The following USP54 variants were observed in gnomAD, a reference collection of about 807,000 sequenced individuals.
USP54 encodes ubiquitin specific peptidase 54, also known as ubiquitin carboxyl-terminal hydrolase 54.
USP54 carries 87 observed loss-of-function variants against 170.5 expected under a neutral mutation model. That is an observed-to-expected ratio of 0.51 (90% confidence interval 0.43 to 0.61). The LOEUF is 0.61. Among genes scored for constraint, USP54 ranks in the 20% least tolerant of loss-of-function variants. The pLI, the probability that USP54 is intolerant of heterozygous loss-of-function variation, is 0.00. For synonymous variants in USP54, 655 were observed against 742.8 expected (o/e 0.88, Z 1.92); for missense variants, 1,786 against 2,047.8 (o/e 0.87, Z 2.47).
chr10:73,613,282 C>A (rs1051680469), intron 1 of USP54, among the ~76,000 whole-genome samples: 3 of 151,560 alleles, frequency 2.0e-5, no homozygotes, highest in African/African-American at 7.3e-5. Flanking sequence ...CAGGTGCATG[C>A]CACCATGCCC....
At chr10:73,583,180 G>A (rs188272481) in intron 1 of USP54, among the ~76,000 whole-genome samples, 159 of 152,270 alleles carry the variant, frequency 1.0e-3, no homozygotes, top group African/African-American at 3.7e-3. Flanking sequence ...AGAAGAGTAA[G>A]GAAGAAAAAC....
At chr10:73,520,195 C>A (rs2061683576) in intron 18 of USP54, 1 of 671,754 alleles carries the variant, frequency 1.5e-6, no homozygotes, top group Non-Finnish European at 2.4e-6. Flanking sequence ...GCCATGGAGG[C>A]CAAACAGGTT....
At chr10:73,553,781 G>C (rs1377481933) in intron 4 of USP54, among the ~76,000 whole-genome samples, 3 of 152,176 alleles carry the variant, frequency 2.0e-5, no homozygotes, top group Admixed American at 6.5e-5. Context: ...TCTTCACAGG[G>C]TGAAACCAAA....
At chr10:73,500,622 T>C (rs1230241366) in intron 23 of USP54, 33 bp downstream of exon 23, 1 of 1,555,468 alleles carries the variant, frequency 6.4e-7, no homozygotes, top group South Asian at 1.2e-5. Flanking sequence ...GGTACCAAAT[T>C]CTGGCATATA....
chr10:73,606,761 C>T (rs752403826), intron 1 of USP54, among the ~76,000 whole-genome samples: 3 of 151,630 alleles, frequency 2.0e-5, no homozygotes, highest in Non-Finnish European at 4.4e-5. Context: ...CACCTGCAGT[C>T]TCAGCTACTT....
intron 18 of USP54, among the ~76,000 whole-genome samples, chr10:73,520,293 T>A (rs1369991599): frequency 3.3e-5 from 5 of 152,200 alleles, no homozygotes; most frequent in African/African-American, 4.8e-5. Context: ...GTCCTTTGCA[T>A]CTGACCTGTC....
chr10:73,523,917 T>C (rs2062393581), intron 16 of USP54, among the ~76,000 whole-genome samples, 167 bp from the exon 17 acceptor site: 2 of 147,162 alleles, frequency 1.4e-5, no homozygotes, highest in Admixed American at 6.8e-5. Context: ...ATTATTATTA[T>C]TATTATTTTG....
At chr10:73,502,221 A>G (rs2058276819) in intron 22 of USP54, among the ~76,000 whole-genome samples, 1 of 152,216 alleles carries the variant, frequency 6.6e-6, no homozygotes, top group South Asian at 2.1e-4. Flanking sequence ...CACAGCACCT[A>G]CTACAAAATG....
At chr10:73,508,850 T>A (rs112911686) in intron 20 of USP54, among the ~76,000 whole-genome samples, 10,454 of 151,838 alleles carry the variant, frequency 0.069, 605 homozygotes, top group East Asian at 0.3. Flanking sequence ...ATATTTTTAG[T>A]GGAGACGGGG....
intron 1 of USP54, among the ~76,000 whole-genome samples, chr10:73,580,280 C>T (rs939309495): frequency 6.8e-6 from 1 of 146,982 alleles, no homozygotes; most frequent in Non-Finnish European, 1.5e-5. Context: ...GATCAAGCCA[C>T]TGCACTCCAA....
In USP54 at chr10:73,620,566, T is replaced by A. The variant is rs2081011056; in HGVS notation, c.-18+5001A>T. On this transcript the variant is annotated intron_variant, in intron 1 of 22. Coordinates refer to the USP54 transcript ENST00000339859. ...TTGAACTCCTGGCCTCAAGCAATCC[T>A]CCTGCCTTAGCCTCCCAAAGTGCTG... Among the ~76,000 whole-genome samples the A allele has an allele frequency of 2.1e-5, 3 of 144,916 alleles. No individual in the cohort carries two copies. The South Asian group carries it at 7.0e-4, about 34-fold the overall frequency.
At chr10:73,525,015 A>T (rs1017677103) in intron 16 of USP54, among the ~76,000 whole-genome samples, 51 of 152,284 alleles carry the variant, frequency 3.3e-4, no homozygotes, top group African/African-American at 1.2e-3. Flanking sequence ...CAATTTTATA[A>T]ACCTTTCTAG....
At chr10:73,598,033 C>T (rs1589369920) in intron 1 of USP54, among the ~76,000 whole-genome samples, 1 of 151,288 alleles carries the variant, frequency 6.6e-6, no homozygotes, top group African/African-American at 2.4e-5. Flanking sequence ...TGCAGTGAGC[C>T]GAGATCACGC....
In USP54 at chr10:73,521,044, T is replaced by C. The variant is rs908407610; in HGVS notation, c.2363-17A>G. ...CACTCCTCCCTGAAAGGGCCAGCAC[T>C]TTTCATTTTCATTACAATTCATTCC... On this transcript the variant is annotated splice_polypyrimidine_tract_variant and intron_variant, in intron 17 of 23. Coordinates refer to ENST00000687698, the MANE Select transcript of USP54 (RefSeq NM_001391956.1). 2 of 1,612,488 alleles carry C rather than the reference T, an allele frequency of 1.2e-6. No homozygotes were observed. The highest frequency in any genetic ancestry group is 8.5e-7 in the Non-Finnish European group (1 of 1,179,960).
chr10:73,559,504 G>C (rs911577353), intron 4 of USP54, among the ~76,000 whole-genome samples: 1 of 150,396 alleles, frequency 6.6e-6, no homozygotes, highest in Non-Finnish European at 1.5e-5. Flanking sequence ...AGGTTGCGAT[G>C]AGCCTAGATT....
chr10:73,513,597 A>G (rs1276518485), intron 20 of USP54: 2 of 152,244 alleles, frequency 1.3e-5, no homozygotes, highest in Non-Finnish European at 2.9e-5. Flanking sequence ...GCTCACAGAT[A>G]TAACATGAGA....
At chr10:73,578,960 TGA>T (rs1287762623) in intron 1 of USP54, among the ~76,000 whole-genome samples, 2 of 142,408 alleles carry the variant, frequency 1.4e-5, no homozygotes, top group Non-Finnish European at 1.5e-5. Context: ...TTTTTTTTTT[TGA>T]GACAGTCTCC....
intron 19 of USP54, chr10:73,519,571 C>G (rs1338930623): frequency 1.3e-5 from 8 of 611,732 alleles, no homozygotes; most frequent in African/African-American, 5.5e-5. Flanking sequence ...GAAATGTGGA[C>G]AAATGGTCTT....
chr10:73,580,625 C>T lies in USP54; in HGVS notation c.-581-4264G>A, dbSNP rs542317346. On this transcript the variant is annotated intron_variant, in intron 1 of 23. Transcript: ENST00000687698. ...TTCGCTCTTCTTGCCCAGGCTGGAG[C>T]GCAATGGTGTGATCTTGGCTCACTG... Among the ~76,000 whole-genome samples, 150 of 152,084 alleles carry T rather than the reference C, an allele frequency of 9.9e-4. 2 individuals are homozygous for T. In the Middle Eastern group the frequency reaches 0.024, roughly 24 times the overall value.
Sources: gnomAD v4.1 joint callset for allele counts (sites outside exome capture counted in the v4.1 genomes callset) on GRCh38, gnomAD v4.1.1 for gene constraint, MANE v1.5 for transcripts, NCBI Gene and HGNC (gene_info 2026-07-23, HGNC 2026-07-21) for gene names.